USP9X: variants seen among roughly 807,000 people sequenced by gnomAD.
The protein encoded by USP9X is ubiquitin carboxyl-terminal hydrolase 9X.
Under a neutral mutation model 190.3 loss-of-function variants are expected in USP9X, and 7 were observed. The ratio of observed to expected loss-of-function variants is 0.04; its 90% confidence interval spans 0.02 to 0.07. The LOEUF is 0.07. Ranked by LOEUF, USP9X falls within the 10% of genes least tolerant of loss-of-function variation. USP9X has a pLI of 1.00. For synonymous variants in USP9X, 645 were observed against 659.5 expected (o/e 0.98, Z 0.34); for missense variants, 1,010 against 1,916.9 (o/e 0.53, Z 8.83).
intron 43 of USP9X, 83 bp from the exon 44 acceptor site, chrX:41,230,418 T>C: frequency 1.0e-6 from 1 of 956,284 alleles, no homozygotes; most frequent in Non-Finnish European, 1.5e-6. Context: ...TGTAGATTTT[T>C]AAAATTTATT....
chrX:41,117,539 T>G (rs1175792825), intron 1 of USP9X, among the ~76,000 whole-genome samples: 1 of 109,620 alleles, frequency 9.1e-6, no homozygotes, highest in Non-Finnish European at 1.9e-5. Context: ...TGGGAAAATA[T>G]ACATAAAATT....
intron 25 of USP9X, 76 bp downstream of exon 25, chrX:41,188,193 C>G: frequency 1.0e-6 from 1 of 988,329 alleles, no homozygotes; most frequent in Non-Finnish European, 1.3e-6. Flanking sequence ...TTTTTATTAG[C>G]TTTGCTATTT....
At chrX:41,219,370 C>A in intron 38 of USP9X, 139 bp downstream of exon 38, 1 of 592,805 alleles carries the variant, frequency 1.7e-6, no homozygotes, top group Non-Finnish European at 2.5e-6. Flanking sequence ...TTTATCTGAA[C>A]ATGGCACTTT....
intron 30 of USP9X, among the ~76,000 whole-genome samples, chrX:41,199,229 A>C (rs769784781): frequency 1.8e-5 from 2 of 111,443 alleles, no homozygotes; most frequent in Non-Finnish European, 3.8e-5. Flanking sequence ...AAATAAGACC[A>C]TTATAAGCAG....
Position 41,085,696 on chromosome X carries a change from A to G in USP9X, c.-572A>G, listed in dbSNP as rs1435132583. The G allele has an allele frequency of 3.4e-6, 1 of 293,875 alleles. No individual in the cohort carries two copies. Among genetic ancestry groups the G allele is most frequent in the Non-Finnish European group, 5.9e-6 (1 of 168,852 alleles). The allele number at this position is 293,875 out of a possible 1,213,427, so 24.2% of individuals were successfully genotyped here. A position where few individuals can be genotyped will look rare whatever the true frequency, so the allele number is the denominator to read the frequency against. ...GGGAGCGAGGAGCGAGCTACTTCAA[A>G]GCCACCAGGCCTGGAGCGGGGACAG... On this transcript the variant is annotated 5_prime_UTR_variant, in exon 1 of 45. Coordinates refer to ENST00000378308, the MANE Select transcript of USP9X (RefSeq NM_001039591.3).
chrX:41,142,411 G>A (rs1245160787), intron 9 of USP9X, among the ~76,000 whole-genome samples: 1 of 111,651 alleles, frequency 9.0e-6, no homozygotes, highest in Non-Finnish European at 1.9e-5. Context: ...GGAGGCCGAG[G>A]AGAGATTGCT....
At chrX:41,191,418 C>G (rs983740131) in intron 26 of USP9X, among the ~76,000 whole-genome samples, 5 of 110,941 alleles carry the variant, frequency 4.5e-5, no homozygotes, top group Non-Finnish European at 9.4e-5. Context: ...TACAAATCTG[C>G]CCCTCAGATG....
intron 42 of USP9X, 57 bp from the exon 43 acceptor site, chrX:41,229,510 G>A (rs1245696508): frequency 8.5e-7 from 1 of 1,173,560 alleles, no homozygotes; most frequent in Non-Finnish European, 1.1e-6. Flanking sequence ...GTCATTTTAA[G>A]TTAACTTTGA....
At chrX:41,191,260 C>A (rs1204162871) in intron 26 of USP9X, among the ~76,000 whole-genome samples, 1 of 104,218 alleles carries the variant, frequency 9.6e-6, no homozygotes, top group Non-Finnish European at 1.9e-5. Context: ...ACCCGGAAGG[C>A]GGATGTTGCA....
At chrX:41,228,517 C>T (rs1172883872) in intron 41 of USP9X, among the ~76,000 whole-genome samples, 1 of 111,989 alleles carries the variant, frequency 8.9e-6, no homozygotes, top group African/African-American at 3.2e-5. Context: ...AAATACTGTA[C>T]CTCCAAATTA....
intron 31 of USP9X, 174 bp from the exon 32 acceptor site, chrX:41,205,126 TAAC>T: frequency 7.7e-6 from 3 of 388,695 alleles, no homozygotes; most frequent in Non-Finnish European, 1.3e-5. Context: ...TTGGTTATGA[TAAC>T]TAATATGTGA....
chrX:41,151,135 C>T lies in USP9X; in HGVS notation c.1763+78C>T, dbSNP rs1050391939. Reference sequence around the variant, plus strand: ...TGAAAAGAAACAGCATATTGGCTGGCAAATGCAAATTTTTAAATTAGTGGA... The same window carrying T: ...TGAAAAGAAACAGCATATTGGCTGGTAAATGCAAATTTTTAAATTAGTGGA... On this transcript the variant is annotated intron_variant, in intron 13 of 44. Transcript: ENST00000378308. 3.0e-6 allele frequency: 3 copies of T among 1,004,132 alleles called. No individual in the cohort carries two copies. In the African/African-American group the frequency reaches 5.8e-5, roughly 20 times the overall value. 82.8% of individuals were successfully genotyped at this position (1,004,132 alleles called of 1,213,427 possible). A position where few individuals can be genotyped will look rare whatever the true frequency, so the allele number is the denominator to read the frequency against.
At chrX:41,113,401 C>T (rs2062123975) in intron 1 of USP9X, among the ~76,000 whole-genome samples, 1 of 110,635 alleles carries the variant, frequency 9.0e-6, no homozygotes, top group African/African-American at 3.3e-5. Flanking sequence ...AGGGTTTCAC[C>T]GTGTTAGCCA....
intron 1 of USP9X, among the ~76,000 whole-genome samples, chrX:41,088,788 A>T (rs2061932244): frequency 9.0e-6 from 1 of 111,165 alleles, no homozygotes; most frequent in African/African-American, 3.3e-5. Flanking sequence ...AAAAGGGAAA[A>T]AACCGGATTT....
chrX:41,224,613 G>A (rs1331279754), intron 39 of USP9X, 129 bp from the exon 40 acceptor site: 4 of 561,653 alleles, frequency 7.1e-6, no homozygotes, highest in Non-Finnish European at 1.1e-5. Flanking sequence ...TCCAGCCTGG[G>A]CGACAGAGCG....
rs148664058 is a variant in USP9X at position 41,147,597 on chromosome X, G to T, written c.1420-772G>T. Among the ~76,000 whole-genome samples, 28 of 109,475 alleles carry T rather than the reference G, an allele frequency of 2.6e-4. 1 individual carries two copies. The East Asian group carries it at 5.2e-3, about 20-fold the overall frequency. ...GCCTCCCAAGTAGCTGGGATTACAG[G>T]CATGCGCCACCACGCCCAGCTAATT... is the stretch of plus-strand genomic sequence containing the variant. On this transcript the variant is annotated intron_variant, in intron 11 of 44. Coordinates refer to ENST00000378308, the MANE Select transcript of USP9X (RefSeq NM_001039591.3).
At chrX:41,163,714 C>T (rs2062653957) in intron 15 of USP9X, among the ~76,000 whole-genome samples, 1 of 104,675 alleles carries the variant, frequency 9.6e-6, no homozygotes, top group African/African-American at 3.5e-5. Flanking sequence ...GATTGCACCA[C>T]TGCACTCCAG....
In USP9X at chrX:41,141,148, C is replaced by T; in HGVS notation, c.953C>T (p.Ala318Val). 1 of 1,202,194 alleles carries T rather than the reference C, an allele frequency of 8.3e-7. No individual in the cohort carries two copies. Among genetic ancestry groups the T allele is most frequent in the East Asian group, 3.0e-5 (1 of 33,586 alleles). ...SMIIKSLKNL[A>V]SRVPGQEETV... ...ATTATTAAATCTTTGAAGAATTTAGCTTCAAGGGTTCCAGGACAAGAAGAA... is the reference window on the plus strand; with the variant it reads ...ATTATTAAATCTTTGAAGAATTTAGTTTCAAGGGTTCCAGGACAAGAAGAA... Residue 318 changes from alanine (A) to valine (V), a missense_variant, in exon 8 of 45, where the codon GCT becomes GTT. Physicochemically the swap from Ala to Val is moderately conservative, Grantham distance 64 (BLOSUM62 0). Around this residue, in one of 11 missense-constraint regions of USP9X, gnomAD observed 176 missense variants for 247.5 expected, o/e 0.71. Transcript: ENST00000378308.
chrX:41,232,625 C>T lies in USP9X; in HGVS notation c.*101C>T. 1 of 1,046,582 alleles carries T rather than the reference C, an allele frequency of 9.6e-7. No homozygotes were observed. The highest frequency in any genetic ancestry group is 2.5e-5 in the South Asian group (1 of 40,494). 86.3% of individuals were successfully genotyped at this position (1,046,582 alleles called of 1,213,427 possible). A position where few individuals can be genotyped will look rare whatever the true frequency, so the allele number is the denominator to read the frequency against. On this transcript the variant is annotated 3_prime_UTR_variant, in exon 45 of 45. Coordinates refer to ENST00000378308, the MANE Select transcript of USP9X (RefSeq NM_001039591.3). The stretch of plus-strand genomic sequence containing the variant: ...AATATTTAAAACTAGAAAAACTATT[C>T]CTAATCAACATGGAGTGGAGAGTTT...
Sources: gnomAD v4.1 joint callset for allele counts (sites outside exome capture counted in the v4.1 genomes callset) on GRCh38, gnomAD v4.1.1 for gene constraint, gnomAD v4.1.1 regional missense constraint, MANE v1.5 for transcripts, NCBI Gene and HGNC (gene_info 2026-07-23, HGNC 2026-07-21) for gene names.